PAM16: variants seen among roughly 807,000 people sequenced by gnomAD.
PAM16 encodes presequence translocase associated motor 16.
A neutral mutation model predicts 17.9 loss-of-function variants in PAM16; 11 were observed. The observed-to-expected ratio is 0.62, with a 90% CI of 0.39 to 1.02. The LOEUF is 1.02. PAM16 is among the 50% of genes least tolerant of loss of function. The pLI is 0.01. For synonymous variants in PAM16, 72 were observed against 67.4 expected (o/e 1.07, Z -0.34); for missense variants, 199 against 165.4 (o/e 1.20, Z -1.11).
rs200936155 is a variant in PAM16, at chr16:4,340,289, G to A, written c.*30C>T. On this transcript the variant is annotated 3_prime_UTR_variant, in exon 5 of 5. Coordinates refer to ENST00000318059, the MANE Select transcript of PAM16 (RefSeq NM_016069.11). The stretch of plus-strand genomic sequence containing the variant: ...TTTATTACCAAGCTATAAATTAGAG[G>A]CGGCGGGGTGGGCGGGGGGAGCCGA... 1.1e-3 allele frequency: 1,756 copies of A among 1,591,388 alleles called. 6 individuals are homozygous for A. Among genetic ancestry groups the A allele is most frequent in the Non-Finnish European group, 1.4e-3 (1,594 of 1,164,362 alleles).
rs572639899 is a variant in PAM16, at chr16:4,340,303, G to C, written c.*16C>G. ...ATAAATTAGAGGCGGCGGGGTGGGC[G>C]GGGGGAGCCGAGCAGTCACGTATGG... On this transcript the variant is annotated 3_prime_UTR_variant, in exon 5 of 5. Transcript: ENST00000318059. 2.0e-5 allele frequency: 32 copies of C among 1,600,256 alleles called. No homozygotes were observed. The African/African-American group carries it at 2.4e-4, about 12-fold the overall frequency.
In PAM16 at chr16:4,340,398, C is replaced by A. The variant is rs775983589; in HGVS notation, c.299G>T (p.Arg100Leu). The A allele has an allele frequency of 4.3e-6, 7 of 1,612,060 alleles. No individual in the cohort carries two copies. Among genetic ancestry groups the A allele is most frequent in the African/African-American group, 1.3e-5 (1 of 75,066 alleles). The change falls in exon 5 of 5, where the codon CGC becomes CTC. Residue 100 changes from arginine (R) to leucine (L), a missense_variant. Arg to Leu is a moderately radical substitution (Grantham distance 102). Coordinates refer to ENST00000318059, the MANE Select transcript of PAM16 (RefSeq NM_016069.11). ...TTCCTCATCCAGGCGCTCCTTTGCG[C>A]GGACCACCTAGTGGGTCACGGATAA... ...GSFYLQSKVV[R>L]AKERLDEELK...
intron 1 of PAM16, chr16:4,347,782 T>TGAGA (rs1352985649): frequency 2.0e-5 from 3 of 152,044 alleles, no homozygotes; most frequent in Non-Finnish European, 4.4e-5. Context: ...GGGTCCCAGG[T>TGAGA]GAGAGGACCC....
chr16:4,343,373 G>A (rs1232355831), intron 1 of PAM16, 82 bp from the exon 2 acceptor site: 9 of 1,528,216 alleles, frequency 5.9e-6, no homozygotes, highest in Non-Finnish European at 7.9e-6. Context: ...CTGCCGAGGG[G>A]CAAGGCTCCC....
chr16:4,346,514 G>C lies in PAM16; in HGVS notation c.4-3223C>G, dbSNP rs115519140. Reference sequence around the variant, plus strand: ...CTTCTTTCAAAATAGCAGCTCATTTGATACAGGCCCTTTGCTTCCTCAGGG... The same window carrying C: ...CTTCTTTCAAAATAGCAGCTCATTTCATACAGGCCCTTTGCTTCCTCAGGG... On this transcript the variant is annotated intron_variant, in intron 1 of 4. Coordinates refer to ENST00000318059, the MANE Select transcript of PAM16 (RefSeq NM_016069.11). Among the ~76,000 whole-genome samples the C allele has an allele frequency of 4.5e-3, 685 of 152,274 alleles. 2 individuals carry two copies. Among genetic ancestry groups the C allele is most frequent in the African/African-American group, 0.015 (621 of 41,538 alleles).
rs1405969027 is a variant in PAM16 at position 4,341,508 on chromosome 16, T to TCCTGCCGCAAGGCCC, written c.89-5_89-4insGGGCCTTGCGGCAGG. 1 of 1,605,206 alleles carries TCCTGCCGCAAGGCCC rather than the reference T, an allele frequency of 6.2e-7. No individual in the cohort carries two copies. The highest frequency in any genetic ancestry group is 1.7e-5 in the Admixed American group (1 of 59,278). On this transcript the variant is annotated splice_polypyrimidine_tract_variant and splice_region_variant and intron_variant, in intron 2 of 4. Transcript: ENST00000318059. ...GCATCAGCTGCGGCCCGGCTGGCTG[T>TCCTGCCGCAAGGCCC]GTGGACATGTGGGTGATCGCTCAGT...
intron 1 of PAM16, among the ~76,000 whole-genome samples, chr16:4,344,784 T>G (rs2053725887): frequency 6.2e-5 from 5 of 81,016 alleles, no homozygotes; most frequent in Non-Finnish European, 1.1e-4. Context: ...GGGGGTTCTG[T>G]GAGAGGAGGG....
intron 3 of PAM16, 56 bp downstream of exon 3, chr16:4,341,312 C>T (rs1323226363): frequency 6.5e-7 from 1 of 1,535,902 alleles, no homozygotes; most frequent in African/African-American, 1.4e-5. Context: ...TCCCTTCACT[C>T]TTCCCACCCT....
At chr16:4,343,140 T>A in intron 2 of PAM16, 67 bp downstream of exon 2, 1 of 1,607,616 alleles carries the variant, frequency 6.2e-7, no homozygotes, top group South Asian at 1.1e-5. Context: ...GAGGTGCCCA[T>A]GGCTACGGGG....
At chr16:4,341,768 A>T in intron 2 of PAM16, 1 of 526,908 alleles carries the variant, frequency 1.9e-6, no homozygotes, top group Non-Finnish European at 3.3e-6. Context: ...CCATGAGATG[A>T]CCCTGTCCCC....
chr16:4,341,574 T>G lies in PAM16; in HGVS notation c.89-70A>C, dbSNP rs1040446527. On this transcript the variant is annotated intron_variant, in intron 2 of 4. Transcript: ENST00000318059. ...CTTCACCCTGGGCCTTCCGAGTTGG[T>G]GGCTCACCCCTGCCACCAGCACAGG... is the stretch of plus-strand genomic sequence containing the variant. 5.3e-6 allele frequency: 8 copies of G among 1,517,844 alleles called. No individual in the cohort carries two copies. The African/African-American group carries it at 9.6e-5, about 18-fold the overall frequency. 94.0% of individuals were successfully genotyped at this position (1,517,844 alleles called of 1,614,324 possible). A position where few individuals can be genotyped will look rare whatever the true frequency, so the allele number is the denominator to read the frequency against.
At chr16:4,341,559 G>A in intron 2 of PAM16, 55 bp from the exon 3 acceptor site, 1 of 1,536,942 alleles carries the variant, frequency 6.5e-7, no homozygotes, top group Non-Finnish European at 8.8e-7. Context: ...CTTCACCCTG[G>A]GCCTTCCGAG....
At chr16:4,341,778 C>T in intron 2 of PAM16, 1 of 497,198 alleles carries the variant, frequency 2.0e-6, no homozygotes. Flanking sequence ...ACCCTGTCCC[C>T]CAACCCCCAT....
intron 4 of PAM16, among the ~76,000 whole-genome samples, 195 bp downstream of exon 4, chr16:4,340,725 C>G (rs1185405774): frequency 6.6e-6 from 1 of 152,106 alleles, no homozygotes; most frequent in Non-Finnish European, 1.5e-5. Flanking sequence ...AGTGGCTGGA[C>G]CCCGCAAAGC....
At chr16:4,341,613 G>C in intron 2 of PAM16, 109 bp from the exon 3 acceptor site, 1 of 1,465,336 alleles carries the variant, frequency 6.8e-7, no homozygotes, top group South Asian at 1.3e-5. Context: ...AGAGACACAG[G>C]GACAGGTGGC....
chr16:4,344,206 G>C (rs2053697883), intron 1 of PAM16: 1 of 368,126 alleles, frequency 2.7e-6, no homozygotes, highest in African/African-American at 2.4e-5. Context: ...TTCTGTGTGA[G>C]AGGAGGGCGT....
At chr16:4,347,979 T>C (rs1445778514) in intron 1 of PAM16, 1 of 152,206 alleles carries the variant, frequency 6.6e-6, no homozygotes, top group African/African-American at 2.4e-5. Flanking sequence ...CACTCAGCAA[T>C]GGGGCTTACA....
At chr16:4,347,990 C>T (rs761619364) in intron 1 of PAM16, 2 of 152,308 alleles carry the variant, frequency 1.3e-5, no homozygotes, top group Admixed American at 6.5e-5. Context: ...GGGGCTTACA[C>T]TGACTTGTGT....
chr16:4,346,026 G>A (rs1478220793), intron 1 of PAM16: 12 of 954,204 alleles, frequency 1.3e-5, no homozygotes, highest in Non-Finnish European at 1.5e-5. Context: ...AATAATGAAC[G>A]GTAAGAGCTG....
Sources: allele counts gnomAD v4.1 joint callset (sites outside exome capture counted in the v4.1 genomes callset), GRCh38; gene constraint gnomAD v4.1.1; transcripts MANE v1.5; gene names NCBI Gene and HGNC (gene_info 2026-07-23, HGNC 2026-07-21).